GRIP1: variants seen among roughly 807,000 people sequenced by gnomAD.
The protein encoded by GRIP1 is glutamate receptor interacting protein 1, also known as glutamate receptor-interacting protein 1.
A neutral mutation model predicts 129.9 loss-of-function variants in GRIP1; 45 were observed. The ratio of observed to expected loss-of-function variants is 0.35; its 90% CI spans 0.27 to 0.44. GRIP1 has a LOEUF of 0.44. Ranked by LOEUF, GRIP1 falls within the 20% of genes least tolerant of loss-of-function variation. The probability of loss-of-function intolerance (pLI) is 1.00; values close to 1 mark genes in which losing one functional copy is unlikely to be tolerated. For missense variants in GRIP1, 1,196 were observed against 1,396.8 expected (o/e 0.86, Z 2.29); for synonymous variants, 530 against 520.8 (o/e 1.02, Z -0.24).
intron 24 of GRIP1, among the ~76,000 whole-genome samples, chr12:66,349,986 A>G (rs749902616): frequency 6.6e-6 from 1 of 151,890 alleles, no homozygotes; most frequent in Non-Finnish European, 1.5e-5. Context: ...GTCCTCCCTG[A>G]CACATTGCAC....
chr12:66,748,955 T>C (rs1336680063), intron 1 of GRIP1, among the ~76,000 whole-genome samples: 1 of 152,166 alleles, frequency 6.6e-6, no homozygotes, highest in Non-Finnish European at 1.5e-5. Flanking sequence ...CTTCTCTATA[T>C]AAACAATAGA....
At chr12:66,581,836 A>G (rs367655191) in intron 2 of GRIP1, among the ~76,000 whole-genome samples, 2 of 152,118 alleles carry the variant, frequency 1.3e-5, no homozygotes, top group African/African-American at 4.8e-5. Context: ...ACAAGGAGGA[A>G]CTGGTACTAT....
At chr12:67,028,878 A>T (rs907904666) in intron 1 of GRIP1, among the ~76,000 whole-genome samples, 2 of 152,142 alleles carry the variant, frequency 1.3e-5, no homozygotes, top group African/African-American at 4.8e-5. Flanking sequence ...AAATTTCTCA[A>T]ATTTTTATAA....
intron 2 of GRIP1, among the ~76,000 whole-genome samples, chr12:66,592,538 C>T (rs2063885201): frequency 6.6e-6 from 1 of 152,178 alleles, no homozygotes; most frequent in Admixed American, 6.5e-5. Flanking sequence ...GAATATTTGA[C>T]ATCTTCCTGC....
intron 1 of GRIP1, among the ~76,000 whole-genome samples, chr12:66,677,483 A>G (rs895120212): frequency 6.6e-6 from 1 of 152,212 alleles, no homozygotes; most frequent in Non-Finnish European, 1.5e-5. Context: ...AGTCTCAGCC[A>G]AAACCGTAAC....
intron 1 of GRIP1, among the ~76,000 whole-genome samples, 177 bp from the exon 2 acceptor site, chr12:66,597,104 G>T (rs2064083554): frequency 6.6e-6 from 1 of 152,136 alleles, no homozygotes; most frequent in Non-Finnish European, 1.5e-5. Context: ...AAAATGTTGT[G>T]AATATGTTTC....
At chr12:66,924,395 T>C (rs574362817) in intron 1 of GRIP1, among the ~76,000 whole-genome samples, 1 of 152,286 alleles carries the variant, frequency 6.6e-6, no homozygotes, top group East Asian at 1.9e-4. Context: ...TATTGATACA[T>C]ATGTTGGGGC....
intron 1 of GRIP1, among the ~76,000 whole-genome samples, chr12:66,955,054 T>C (rs1183151055): frequency 6.6e-6 from 1 of 152,186 alleles, no homozygotes; most frequent in African/African-American, 2.4e-5. Flanking sequence ...CTAGTCTTAA[T>C]TGATATCTTT....
chr12:67,035,907 A>C (rs1454218156), intron 1 of GRIP1, among the ~76,000 whole-genome samples: 1 of 152,194 alleles, frequency 6.6e-6, no homozygotes, highest in Non-Finnish European at 1.5e-5. Flanking sequence ...AGCACTAAAA[A>C]GTGAGGAAAA....
At position 66,632,910 on chromosome 12, in the gene GRIP1, A is replaced by G. The variant is rs566099177; in HGVS notation, c.56-35983T>C. On this transcript the variant is annotated intron_variant, in intron 1 of 24. Coordinates refer to ENST00000359742, the MANE Select transcript of GRIP1 (RefSeq NM_001366722.1). Reference sequence around the variant, plus strand: ...TATGAATTGGGATTGATTCTATTTTATAAAGAAGAAAATTGAAGCTCAGGG... The same window carrying G: ...TATGAATTGGGATTGATTCTATTTTGTAAAGAAGAAAATTGAAGCTCAGGG... Among the ~76,000 whole-genome samples, 4 of 152,288 alleles carry G rather than the reference A, an allele frequency of 2.6e-5. No homozygotes were observed. The East Asian group carries it at 7.7e-4, about 29-fold the overall frequency.
At chr12:66,566,232 A>T (rs1400204697) in intron 2 of GRIP1, among the ~76,000 whole-genome samples, 1 of 152,176 alleles carries the variant, frequency 6.6e-6, no homozygotes, top group South Asian at 2.1e-4. Context: ...GTTTTTGCCC[A>T]TTCAGTATGA....
rs1592456926 is a variant in GRIP1 at position 67,005,901 on chromosome 12, T to A, written c.58+63149A>T. Among the ~76,000 whole-genome samples the A allele has an allele frequency of 3.3e-5, 5 of 152,278 alleles. 1 individual carries two copies. Among genetic ancestry groups the A allele is most frequent in the Admixed American group, 3.3e-4 (5 of 15,282 alleles). ...CAATGGTAAAGACTAGTGACTTACATCACATTTAAATAAGACTCTTTGACC... is the reference window on the plus strand; with the variant it reads ...CAATGGTAAAGACTAGTGACTTACAACACATTTAAATAAGACTCTTTGACC... On this transcript the variant is annotated intron_variant, in intron 1 of 1. Coordinates refer to the GRIP1 transcript ENST00000643019.
rs561381454 is a variant in GRIP1, at chr12:66,356,126, C to T, written c.3013-2563G>A. On this transcript the variant is annotated intron_variant, in intron 23 of 24. Coordinates refer to ENST00000359742, the MANE Select transcript of GRIP1 (RefSeq NM_001366722.1). ...TGTGGGCTGAGGAGACCCAGATTCC[C>T]GGACAGTGAGGAAGGTAGGGGGAGG... Among the ~76,000 whole-genome samples the T allele has an allele frequency of 9.5e-4, 144 of 152,278 alleles. 1 individual carries two copies. The highest frequency in any genetic ancestry group is 3.4e-3 in the Middle Eastern group (1 of 294).
chr12:67,031,015 C>T (rs1013431126), intron 1 of GRIP1, among the ~76,000 whole-genome samples: 8 of 151,712 alleles, frequency 5.3e-5, no homozygotes, highest in South Asian at 2.1e-4. Context: ...GCTCACCTCA[C>T]GACAGGTAAA....
intron 4 of GRIP1, among the ~76,000 whole-genome samples, chr12:66,531,251 AAATAT>A (rs2061444590): frequency 7.5e-5 from 3 of 39,782 alleles, no homozygotes; most frequent in Admixed American, 3.3e-4. Flanking sequence ...AAAAAAAAAA[AAATAT>A]ATATATATAT....
At chr12:66,650,404 C>T (rs2032709032) in intron 1 of GRIP1, among the ~76,000 whole-genome samples, 1 of 152,130 alleles carries the variant, frequency 6.6e-6, no homozygotes, top group Non-Finnish European at 1.5e-5. Context: ...ACCATCTTAA[C>T]TATTCTCAGT....
intron 4 of GRIP1, among the ~76,000 whole-genome samples, chr12:66,530,546 G>A (rs1160722267): frequency 6.6e-6 from 1 of 152,112 alleles, no homozygotes; most frequent in Admixed American, 6.6e-5. Flanking sequence ...CTTATGTTGT[G>A]TTTGCATGAT....
chr12:67,069,150 C>T (rs1342091870), exon 1 of GRIP1: 1 of 981,050 alleles, frequency 1.0e-6, no homozygotes, highest in Non-Finnish European at 1.2e-6. Flanking sequence ...CTCTTTCTCG[C>T]TGGCTCTCTT....
In GRIP1 at chr12:66,757,149, G is replaced by T. The variant is rs7298514; in HGVS notation, c.-420+46904C>A. Reference sequence around the variant, plus strand: ...AAATGTACAATAAATTATTGTTGACGGTTGTCACCCTGTTGTGCTATCAAA... The same window carrying T: ...AAATGTACAATAAATTATTGTTGACTGTTGTCACCCTGTTGTGCTATCAAA... On this transcript the variant is annotated intron_variant, in intron 1 of 4. Transcript: ENST00000538373. 5.7e-3 allele frequency among the ~76,000 whole-genome samples: 864 copies of T among 151,784 alleles called. 6 individuals are homozygous for T. The highest frequency in any genetic ancestry group is 0.02 in the African/African-American group (814 of 41,352).
Sources: allele counts gnomAD v4.1 joint callset (sites outside exome capture counted in the v4.1 genomes callset), GRCh38; gene constraint gnomAD v4.1.1; transcripts MANE v1.5; gene names NCBI Gene and HGNC (gene_info 2026-07-23, HGNC 2026-07-21).